The following PTPRB variants were observed in gnomAD, a reference collection of about 807,000 sequenced individuals.
PTPRB encodes protein tyrosine phosphatase receptor type B.
Under a neutral mutation model 238.1 loss-of-function variants are expected in PTPRB, and 97 were observed. The ratio of observed to expected loss-of-function variants is 0.41; its 90% CI spans 0.35 to 0.48. PTPRB has a LOEUF of 0.48. PTPRB is among the 20% of genes least tolerant of loss of function. The pLI, the probability that PTPRB is intolerant of heterozygous loss-of-function variation, is 0.30. For synonymous variants in PTPRB, 970 were observed against 995.4 expected (o/e 0.97, Z 0.48); for missense variants, 2,292 against 2,681.9 (o/e 0.85, Z 3.21).
chr12:70,600,468 C>T lies in PTPRB; in HGVS notation c.980-4141G>A, dbSNP rs560896945. 9.2e-5 allele frequency among the ~76,000 whole-genome samples: 14 copies of T among 152,210 alleles called. No individual in the cohort carries two copies. In the South Asian group the frequency reaches 1.9e-3, roughly 20 times the overall value. ...GACAAAAAATAAAAATAGATGTCTA[C>T]GGAAAATGATAGGCATATTTATAGA... On this transcript the variant is annotated intron_variant, in intron 4 of 33. Transcript: ENST00000334414.
chr12:70,615,535 A>G (rs933522506), intron 3 of PTPRB, among the ~76,000 whole-genome samples: 2 of 152,160 alleles, frequency 1.3e-5, no homozygotes, highest in Admixed American at 6.5e-5. Context: ...TGGGCTTTAC[A>G]TAGCTTTTGT....
At chr12:70,585,447 G>A (rs1253861950) in intron 9 of PTPRB, among the ~76,000 whole-genome samples, 1 of 152,012 alleles carries the variant, frequency 6.6e-6, no homozygotes, top group Non-Finnish European at 1.5e-5. Context: ...ATCCCCATGT[G>A]TCCAAGGAGG....
Position 70,538,254 on chromosome 12 carries a change from G to A in PTPRB, c.5870-23C>T, listed in dbSNP as rs1169952687. ...CATCTGGAAGGAGAGATTTGCTGCT[G>A]AGTCTTGGAGTGACTTTTCTACAGT... On this transcript the variant is annotated intron_variant, in intron 27 of 33. Coordinates refer to ENST00000334414, the MANE Select transcript of PTPRB (RefSeq NM_001109754.4). 3.7e-6 allele frequency: 6 copies of A among 1,600,886 alleles called. No individual in the cohort carries two copies. The African/African-American group carries it at 6.7e-5, about 18-fold the overall frequency.
At chr12:70,575,169 A>C (rs935847877) in intron 11 of PTPRB, among the ~76,000 whole-genome samples, 1 of 152,182 alleles carries the variant, frequency 6.6e-6, no homozygotes, top group Admixed American at 6.5e-5. Context: ...AGCATGATGG[A>C]ATGGACAGCA....
intron 3 of PTPRB, among the ~76,000 whole-genome samples, chr12:70,612,499 A>C (rs1884500436): frequency 6.6e-6 from 1 of 152,124 alleles, no homozygotes; most frequent in Non-Finnish European, 1.5e-5. Context: ...CTTGTCCTAC[A>C]TAAGGACACT....
chr12:70,567,827 C>A (rs748351692), intron 14 of PTPRB, among the ~76,000 whole-genome samples: 1 of 152,156 alleles, frequency 6.6e-6, no homozygotes, highest in Non-Finnish European at 1.5e-5. Flanking sequence ...TGGCCACATG[C>A]CTCACATTTT....
intron 21 of PTPRB, among the ~76,000 whole-genome samples, chr12:70,548,318 ACT>A (rs71457058): frequency 1.7e-4 from 22 of 127,914 alleles, no homozygotes; most frequent in African/African-American, 3.7e-4. Context: ...ACACAGCAAG[ACT>A]CTCTCTCTCT....
In PTPRB at chr12:70,538,749, A is replaced by T. The variant is rs1874567946; in HGVS notation, c.5869+175T>A. 15 of 608,808 alleles carry T rather than the reference A, an allele frequency of 2.5e-5. No homozygotes were observed. The South Asian group carries it at 3.0e-4, about 12-fold the overall frequency. 37.7% of individuals were successfully genotyped at this position (608,808 alleles called of 1,614,324 possible). A position where few individuals can be genotyped will look rare whatever the true frequency, so the allele number is the denominator to read the frequency against. On this transcript the variant is annotated intron_variant, in intron 27 of 33. Transcript: ENST00000334414. ...ATAATCAGAATTTAAACTGGCTATT[A>T]TCCCTCTGGAGGGAAGTGCAGGAAT...
At chr12:70,531,898 AT>A (rs1873304338) in intron 32 of PTPRB, 136 bp downstream of exon 32, 2 of 967,870 alleles carry the variant, frequency 2.1e-6, no homozygotes, top group Non-Finnish European at 3.1e-6. Context: ...CTTAGAAAAT[AT>A]CTACATGCAG....
intron 18 of PTPRB, among the ~76,000 whole-genome samples, chr12:70,556,512 G>A (rs921074585): frequency 3.3e-5 from 5 of 152,104 alleles, no homozygotes; most frequent in African/African-American, 4.8e-5. Context: ...ACAGAAGATC[G>A]AAGGACCATG....
chr12:70,573,734 T>G (rs1424407611), intron 11 of PTPRB, among the ~76,000 whole-genome samples: 1 of 151,982 alleles, frequency 6.6e-6, no homozygotes, highest in Admixed American at 6.6e-5. Context: ...CTCAAACTCC[T>G]GACCTCATGA....
At chr12:70,564,249 T>C (rs760385386) in intron 15 of PTPRB, among the ~76,000 whole-genome samples, 15 of 152,196 alleles carry the variant, frequency 9.9e-5, no homozygotes, top group Non-Finnish European at 1.0e-4. Flanking sequence ...CAGTGGCTCA[T>C]GCCTGTAATC....
intron 21 of PTPRB, among the ~76,000 whole-genome samples, chr12:70,548,724 A>G (rs558413805): frequency 1.6e-4 from 24 of 152,296 alleles, no homozygotes; most frequent in African/African-American, 5.8e-4. Context: ...TCCCCAGCCC[A>G]GCACTTAGCA....
chr12:70,562,543 A>G lies in PTPRB; in HGVS notation c.4168+301T>C, dbSNP rs544502952. Among the ~76,000 whole-genome samples the G allele has an allele frequency of 2.7e-4, 41 of 152,280 alleles. No homozygotes were observed. The South Asian group carries it at 8.3e-3, about 31-fold the overall frequency. On this transcript the variant is annotated intron_variant, in intron 16 of 33. Coordinates refer to ENST00000334414, the MANE Select transcript of PTPRB (RefSeq NM_001109754.4). Reference sequence around the variant, plus strand: ...TGAAGGGTGTAGCTCGAATTAAACTATGATGGGTTACAGCCCTCTTGTACA... The same window carrying G: ...TGAAGGGTGTAGCTCGAATTAAACTGTGATGGGTTACAGCCCTCTTGTACA...
intron 20 of PTPRB, 132 bp downstream of exon 20, chr12:70,555,028 G>C: frequency 9.9e-7 from 1 of 1,013,100 alleles, no homozygotes; most frequent in Non-Finnish European, 1.4e-6. Context: ...ATCCAGCAGA[G>C]AGAGGGGTGA....
chr12:70,525,345 T>C (rs925634203), intron 32 of PTPRB: 1 of 152,184 alleles, frequency 6.6e-6, no homozygotes, highest in Non-Finnish European at 1.5e-5. Flanking sequence ...TGCTGGTTTG[T>C]TCCCTTTATT....
In PTPRB at chr12:70,517,438, A is replaced by G. The variant is rs1871279138; in HGVS notation, c.*4051T>C. 6.6e-6 allele frequency: 1 copy of G among 152,196 alleles called. No homozygotes were observed. Among genetic ancestry groups the G allele is most frequent in the South Asian group, 2.1e-4 (1 of 4,826 alleles). The allele number at this position is 152,196 out of a possible 1,614,324, so 9.4% of individuals were successfully genotyped here. A position where few individuals can be genotyped will look rare whatever the true frequency, so the allele number is the denominator to read the frequency against. ...CATCGTTTACAGATTTTCCTTTGAT[A>G]GGGAACATTCTTTGAATACCTGATG... On this transcript the variant is annotated 3_prime_UTR_variant, in exon 34 of 34. Coordinates refer to ENST00000334414, the MANE Select transcript of PTPRB (RefSeq NM_001109754.4).
intron 28 of PTPRB, among the ~76,000 whole-genome samples, chr12:70,537,025 C>T (rs907743443): frequency 6.6e-6 from 1 of 152,208 alleles, no homozygotes; most frequent in Non-Finnish European, 1.5e-5. Context: ...TGGCTCACCC[C>T]TGTAATCCCA....
intron 20 of PTPRB, among the ~76,000 whole-genome samples, chr12:70,553,493 T>C (rs1369375600): frequency 1.3e-5 from 2 of 152,228 alleles, no homozygotes; most frequent in Admixed American, 6.5e-5. Flanking sequence ...CCACATGTCA[T>C]GCCCAGTTTG....
Sources: gnomAD v4.1 joint callset for allele counts (sites outside exome capture counted in the v4.1 genomes callset) on GRCh38, gnomAD v4.1.1 for gene constraint, MANE v1.5 for transcripts, NCBI Gene and HGNC (gene_info 2026-07-23, HGNC 2026-07-21) for gene names.